Variants in ADAM12 observed in about 807,000 individuals in gnomAD.
ADAM12 encodes disintegrin and metalloproteinase domain-containing protein 12.
A neutral mutation model predicts 106.4 loss-of-function variants in ADAM12; 70 were observed. That is an observed-to-expected ratio of 0.66 (90% CI 0.54 to 0.80). The LOEUF (loss-of-function observed/expected upper bound fraction) is 0.80. Among genes scored for constraint, ADAM12 ranks in the 30% least tolerant of loss-of-function variants. ADAM12 has a pLI of 0.00. For synonymous variants in ADAM12, 420 were observed against 433.5 expected, an observed-to-expected ratio of 0.97 and a Z score of 0.39; for missense variants, 1,010 against 1,171.9, an observed-to-expected ratio of 0.86 and a Z score of 2.02.
At chr10:126,243,201 C>T (rs1215541858) in intron 3 of ADAM12, among the ~76,000 whole-genome samples, 1 of 152,226 alleles carries the variant, frequency 6.6e-6, no homozygotes, top group East Asian at 1.9e-4. Flanking sequence ...GCAGGGGACC[C>T]TTAGCCTGAG....
intron 1 of ADAM12, among the ~76,000 whole-genome samples, chr10:126,342,468 T>G (rs1367719900): frequency 6.6e-6 from 1 of 152,244 alleles, no homozygotes; most frequent in Non-Finnish European, 1.5e-5. Context: ...CCCAGGAACA[T>G]TTTAAATAAT....
intron 2 of ADAM12, among the ~76,000 whole-genome samples, chr10:126,302,527 T>C (rs1214316742): frequency 6.6e-6 from 1 of 152,186 alleles, no homozygotes; most frequent in African/African-American, 2.4e-5. Context: ...ATTTCACCCC[T>C]TTCGTGAGGA....
intron 1 of ADAM12, among the ~76,000 whole-genome samples, chr10:126,331,157 AT>A: frequency 6.6e-6 from 1 of 152,362 alleles, no homozygotes; most frequent in South Asian, 2.1e-4. Flanking sequence ...ATTTAGACCC[AT>A]TTCCATAAAC....
intron 2 of ADAM12, among the ~76,000 whole-genome samples, chr10:126,279,950 G>A (rs1466551972): frequency 2.0e-5 from 3 of 152,100 alleles, no homozygotes; most frequent in Non-Finnish European, 2.9e-5. Context: ...CAGTTATTTC[G>A]GTACTAGGCT....
At chr10:126,041,776 C>G (rs1252655947) in intron 18 of ADAM12, 2 of 1,084,968 alleles carry the variant, frequency 1.8e-6, no homozygotes, top group Admixed American at 4.7e-5. Context: ...CCTTGCTTCT[C>G]CCCCACTGCT....
At chr10:126,337,648 C>A (rs1854755819) in intron 1 of ADAM12, among the ~76,000 whole-genome samples, 3 of 152,198 alleles carry the variant, frequency 2.0e-5, no homozygotes, top group Admixed American at 1.3e-4. Context: ...AACACCCTCC[C>A]AGACACACCC....
intron 2 of ADAM12, among the ~76,000 whole-genome samples, chr10:126,287,558 C>T (rs1472489077): frequency 6.6e-6 from 1 of 152,090 alleles, no homozygotes; most frequent in East Asian, 1.9e-4. Context: ...GTGCTTAGAA[C>T]AAAACCACGG....
intron 2 of ADAM12, among the ~76,000 whole-genome samples, chr10:126,311,868 TAAGTA>T (rs1961114308): frequency 6.6e-6 from 1 of 152,048 alleles, no homozygotes; most frequent in Non-Finnish European, 1.5e-5. Context: ...GTAGCAAGAC[TAAGTA>T]AATAAGTGAG....
At position 126,046,095 on chromosome 10, in the gene ADAM12, A is replaced by G. The variant is rs752034390; in HGVS notation, c.1955T>C (p.Phe652Ser). The change falls in exon 17 of 23, where the codon TTT becomes TCT. Residue 652 changes from phenylalanine to serine, a missense_variant. By Grantham distance (155) the Phe-to-Ser change is radical (BLOSUM62 -2). Coordinates refer to ENST00000448723, the MANE Select transcript of ADAM12 (RefSeq NM_001288973.2). ...LNRQCQNISV[F>S]GVHECAMQCH... The stretch of plus-strand genomic sequence containing the variant: ...CTGCATTGCACACTCGTGAACCCCA[A>G]AGACACTAATATTTTGACATTGACG... The G allele has an allele frequency of 6.2e-7, 1 of 1,614,220 alleles. No homozygotes were observed. Among genetic ancestry groups the G allele is most frequent in the Non-Finnish European group, 8.5e-7 (1 of 1,180,026 alleles).
At chr10:126,077,703 G>T (rs1226193754) in intron 11 of ADAM12, among the ~76,000 whole-genome samples, 1 of 152,140 alleles carries the variant, frequency 6.6e-6, no homozygotes, top group Non-Finnish European at 1.5e-5. Context: ...ATATGCAGAA[G>T]ATTGAAACTG....
chr10:126,287,406 A>G (rs1236077034), intron 2 of ADAM12, among the ~76,000 whole-genome samples: 1 of 152,138 alleles, frequency 6.6e-6, no homozygotes, highest in Non-Finnish European at 1.5e-5. Context: ...CACAGCTAAA[A>G]TTCAGCTTTT....
intron 2 of ADAM12, among the ~76,000 whole-genome samples, chr10:126,315,933 T>C (rs181018405): frequency 6.6e-6 from 1 of 152,326 alleles, no homozygotes; most frequent in East Asian, 1.9e-4. Flanking sequence ...CGAAGTCCAC[T>C]TATGAGATTT....
intron 1 of ADAM12, among the ~76,000 whole-genome samples, chr10:126,359,043 G>T (rs367607500): frequency 1.0e-3 from 159 of 152,292 alleles, no homozygotes; most frequent in African/African-American, 3.7e-3. Context: ...TAAATGGATG[G>T]CAGCAAGCAA....
At chr10:126,046,386 T>C (rs1590331824) in intron 16 of ADAM12, among the ~76,000 whole-genome samples, 1 of 152,240 alleles carries the variant, frequency 6.6e-6, no homozygotes, top group South Asian at 2.1e-4. Flanking sequence ...TTATTTTGCA[T>C]TTTATGGCTT....
At chr10:126,343,673 G>C (rs375498733) in intron 1 of ADAM12, among the ~76,000 whole-genome samples, 16 of 152,090 alleles carry the variant, frequency 1.1e-4, no homozygotes, top group Admixed American at 9.2e-4. Context: ...TATTTCTCCA[G>C]ATCCTCTCCA....
intron 3 of ADAM12, among the ~76,000 whole-genome samples, chr10:126,246,425 C>T (rs1037695924): frequency 6.6e-6 from 1 of 152,022 alleles, no homozygotes; most frequent in Non-Finnish European, 1.5e-5. Flanking sequence ...GGCAGAGACA[C>T]AACAAAAAAA....
chr10:126,271,753 G>A (rs1040844042), intron 3 of ADAM12, among the ~76,000 whole-genome samples: 1 of 152,208 alleles, frequency 6.6e-6, no homozygotes, highest in Non-Finnish European at 1.5e-5. Flanking sequence ...GCAACAGAGT[G>A]AGACCCTGTC....
chr10:126,107,821 A>G (rs1955801755), intron 8 of ADAM12, among the ~76,000 whole-genome samples: 1 of 152,192 alleles, frequency 6.6e-6, no homozygotes, highest in Non-Finnish European at 1.5e-5. Flanking sequence ...GGCAACTCCA[A>G]TATGCGGGGC....
At chr10:126,271,079 G>A (rs1274492198) in intron 3 of ADAM12, among the ~76,000 whole-genome samples, 4 of 152,072 alleles carry the variant, frequency 2.6e-5, no homozygotes, top group African/African-American at 9.7e-5. Context: ...CCCTCCACAG[G>A]TCACCTCCAG....
Sources: allele counts gnomAD v4.1 joint callset (sites outside exome capture counted in the v4.1 genomes callset), GRCh38; gene constraint gnomAD v4.1.1; transcripts MANE v1.5; gene names NCBI Gene and HGNC (gene_info 2026-07-23, HGNC 2026-07-21).